Variants in FBXO39 observed in about 807,000 individuals in gnomAD.
FBXO39 encodes F-box protein 39.
Under a neutral mutation model 36.6 loss-of-function variants are expected in FBXO39, and 22 were observed. The ratio of observed to expected loss-of-function variants is 0.60; its 90% confidence interval spans 0.43 to 0.86. The LOEUF (loss-of-function observed/expected upper bound fraction) is 0.86. Among genes scored for constraint, FBXO39 ranks in the 40% least tolerant of loss-of-function variants. The pLI is 0.00. For synonymous variants in FBXO39, 206 were observed against 205.8 expected, an observed-to-expected ratio of 1.00 and a Z score of -0.01; for missense variants, 536 against 543.9, an observed-to-expected ratio of 0.99 and a Z score of 0.14.
chr17:6,782,820 C>G (rs1976525504), intron 2 of FBXO39, among the ~76,000 whole-genome samples: 2 of 152,066 alleles, frequency 1.3e-5, no homozygotes, highest in African/African-American at 4.8e-5. Flanking sequence ...TATATAATAA[C>G]AGCTAGAGAC....
At position 6,779,992 on chromosome 17, in the gene FBXO39, G is replaced by T; in HGVS notation, c.124G>T (p.Val42Phe). 3 of 1,614,202 alleles carry T rather than the reference G, an allele frequency of 1.9e-6. No homozygotes were observed. Among genetic ancestry groups the T allele is most frequent in the Non-Finnish European group, 2.5e-6 (3 of 1,180,034 alleles). The part of the protein sequence containing the change: ...GDRDRSRAAL[V>F]CRKWNQMMYS... The stretch of plus-strand genomic sequence containing the variant: ...CAGGGACAGGTCCAGGGCTGCTCTT[G>T]TCTGCAGAAAGTGGAACCAGATGAT... The change falls in exon 2 of 4, where the codon GTC becomes TTC. Residue 42 changes from valine to phenylalanine, a missense_variant. Physicochemically the swap from Val to Phe is conservative, Grantham distance 50. Transcript: ENST00000321535.
rs572555145 is a variant in FBXO39, at chr17:6,780,432, C to T, written c.564C>T (p.Tyr188=). The T allele has an allele frequency of 1.5e-5, 24 of 1,614,048 alleles. 1 individual carries two copies. The highest frequency in any genetic ancestry group is 1.8e-5 in the Non-Finnish European group (21 of 1,180,052). ...GCCAAATTCTCGACTCCCTCAGCTA[C>T]ATGAGGAATGAGAATGTGATCTCAG... is the stretch of plus-strand genomic sequence containing the variant. The part of the protein sequence containing the change: ...QGCQILDSLS[Y]MRNENVISEL... The change falls in exon 2 of 4, where the codon TAC becomes TAT. Residue 188 remains tyrosine, a synonymous_variant. Transcript: ENST00000321535.
intron 2 of FBXO39, among the ~76,000 whole-genome samples, chr17:6,785,454 A>AT (rs1555552412): frequency 6.6e-6 from 1 of 152,128 alleles, no homozygotes; most frequent in African/African-American, 2.4e-5. Context: ...CTTGAGCAAT[A>AT]CCCACAAGCA....
chr17:6,782,339 AG>A (rs1422503481), intron 2 of FBXO39, among the ~76,000 whole-genome samples: 2 of 152,192 alleles, frequency 1.3e-5, no homozygotes, highest in Non-Finnish European at 1.5e-5. Context: ...CTTCCCTAAA[AG>A]GAACACAGGA....
At position 6,780,050 on chromosome 17, in the gene FBXO39, T is replaced by C; in HGVS notation, c.182T>C (p.Ile61Thr). The change falls in exon 2 of 4, where the codon ATC becomes ACC. Residue 61 changes from isoleucine (I) to threonine (T), a missense_variant. Physicochemically the swap from Ile to Thr is moderately conservative, Grantham distance 89. Transcript: ENST00000321535. Reference protein sequence around the residue: ...YSAELWRYRTITFSGRPSRVH... With the variant: ...YSAELWRYRTTTFSGRPSRVH... Reference sequence around the variant, plus strand: ...GCTGAGCTCTGGCGGTACAGAACCATCACCTTCAGCGGGAGACCTTCCAGG... The same window carrying C: ...GCTGAGCTCTGGCGGTACAGAACCACCACCTTCAGCGGGAGACCTTCCAGG... 6.2e-7 allele frequency: 1 copy of C among 1,614,214 alleles called. No individual in the cohort carries two copies. The highest frequency in any genetic ancestry group is 8.5e-7 in the Non-Finnish European group (1 of 1,180,044).
chr17:6,784,953 G>GTGTATATATATATATA (rs1302291142), intron 2 of FBXO39, among the ~76,000 whole-genome samples: 2 of 113,822 alleles, frequency 1.8e-5, no homozygotes, highest in African/African-American at 7.3e-5. Flanking sequence ...GTGTGTGTGT[G>GTGTATATATATATATA]TATATATATA....
rs776128884 is a variant in FBXO39 at position 6,787,411 on chromosome 17, G to A, written c.1312G>A (p.Val438Ile). ...ATCAGAGCTTAGCTATTTTGTCATC[G>A]TTTACTCTGTGATGTAATGAGCACT... Reference protein sequence around the residue: ...IESELSYFVIVYSVM With the variant: ...IESELSYFVIIYSVM Residue 438 changes from valine (V) to isoleucine (I), a missense_variant, in exon 4 of 4, where the codon GTT becomes ATT. Physicochemically the swap from Val to Ile is conservative, Grantham distance 29 (BLOSUM62 3). Coordinates refer to ENST00000321535, the MANE Select transcript of FBXO39 (RefSeq NM_153230.3). 1.2e-5 allele frequency: 20 copies of A among 1,613,808 alleles called. No homozygotes were observed. The highest frequency in any genetic ancestry group is 1.7e-5 in the Admixed American group (1 of 59,988).
intron 2 of FBXO39, among the ~76,000 whole-genome samples, chr17:6,785,227 C>A (rs2175042): frequency 0.99 from 150,033 of 152,268 alleles, 73,922 homozygotes; most frequent in East Asian, 1. Context: ...GATGCCAAAA[C>A]CATACATTGG....
chr17:6,785,327 A>G (rs1172931917), intron 2 of FBXO39, among the ~76,000 whole-genome samples: 1 of 152,166 alleles, frequency 6.6e-6, no homozygotes, highest in Non-Finnish European at 1.5e-5. Flanking sequence ...ATCTCTTGCC[A>G]TATATGAAAA....
intron 3 of FBXO39, 80 bp downstream of exon 3, chr17:6,787,036 G>A: frequency 6.8e-7 from 1 of 1,464,170 alleles, no homozygotes; most frequent in East Asian, 2.3e-5. Context: ...ACGAAGGGCT[G>A]AATAAGGCAG....
intron 1 of FBXO39, among the ~76,000 whole-genome samples, chr17:6,777,671 T>G (rs1976449552): frequency 6.6e-6 from 1 of 152,142 alleles, no homozygotes; most frequent in Admixed American, 6.5e-5. Context: ...ATTTCTTCAT[T>G]TGTTAAATGT....
intron 2 of FBXO39, 70 bp from the exon 3 acceptor site, chr17:6,786,710 T>C (rs1461814517): frequency 7.4e-7 from 1 of 1,360,392 alleles, no homozygotes; most frequent in African/African-American, 1.5e-5. Flanking sequence ...GTCGTGGAAA[T>C]GTTACAGAAC....
At chr17:6,782,771 A>C (rs1054281588) in intron 2 of FBXO39, among the ~76,000 whole-genome samples, 6 of 152,172 alleles carry the variant, frequency 3.9e-5, no homozygotes, top group Non-Finnish European at 7.4e-5. Flanking sequence ...CAGACATATA[A>C]AGCAAATATT....
intron 1 of FBXO39, among the ~76,000 whole-genome samples, chr17:6,777,209 A>T (rs7207829): frequency 0.15 from 22,534 of 151,714 alleles, 3,739 homozygotes; most frequent in African/African-American, 0.41. Context: ...GTCATCTAGA[A>T]TTTAAGCCCC....
At chr17:6,776,966 G>A (rs1976427574) in intron 1 of FBXO39, among the ~76,000 whole-genome samples, 1 of 151,864 alleles carries the variant, frequency 6.6e-6, no homozygotes. Context: ...AGAATTTGGA[G>A]TCTCCTTACA....
intron 3 of FBXO39, 59 bp downstream of exon 3, chr17:6,787,015 T>A: frequency 1.3e-6 from 2 of 1,546,906 alleles, no homozygotes; most frequent in Non-Finnish European, 1.7e-6. Context: ...GAATGGTGCT[T>A]CTGCTCTGGA....
chr17:6,780,583 G>A lies in FBXO39; in HGVS notation c.715G>A (p.Glu239Lys), dbSNP rs767844011. Reference protein sequence around the residue: ...LNLNYNCISDELLENLCENAS... With the variant: ...LNLNYNCISDKLLENLCENAS... ...CCTCAACTACAACTGTATCTCCGAC[G>A]AGCTGCTTGAGAACTTGTGTGAGAA... The change falls in exon 2 of 4, where the codon GAG becomes AAG. Residue 239 changes from glutamate (E) to lysine (K), a missense_variant. Physicochemically the swap from Glu to Lys is moderately conservative, Grantham distance 56. Transcript: ENST00000321535. The A allele has an allele frequency of 3.2e-5, 52 of 1,613,822 alleles. No individual in the cohort carries two copies. The highest frequency in any genetic ancestry group is 1.6e-4 in the Middle Eastern group (1 of 6,084).
At chr17:6,779,040 A>G (rs1039910180) in intron 1 of FBXO39, among the ~76,000 whole-genome samples, 1 of 152,070 alleles carries the variant, frequency 6.6e-6, no homozygotes, top group African/African-American at 2.4e-5. Context: ...CTGTGACCTC[A>G]GCTGGGGTTT....
Position 6,780,565 on chromosome 17 carries a change from T to C in FBXO39, c.697T>C (p.Tyr233His). 1 of 1,614,016 alleles carries C rather than the reference T, an allele frequency of 6.2e-7. No individual in the cohort carries two copies. Among genetic ancestry groups the C allele is most frequent in the Non-Finnish European group, 8.5e-7 (1 of 1,180,018 alleles). The stretch of plus-strand genomic sequence containing the variant: ...CAATCTTGTGTCCCTGAACCTCAAC[T>C]ACAACTGTATCTCCGACGAGCTGCT... ...FHNLVSLNLNYNCISDELLEN... is the reference protein window; with the variant it reads ...FHNLVSLNLNHNCISDELLEN... The change falls in exon 2 of 4, where the codon TAC becomes CAC. Residue 233 changes from tyrosine (Y) to histidine (H), a missense_variant. By Grantham distance (83) the Tyr-to-His change is moderately conservative (BLOSUM62 2). Transcript: ENST00000321535.
Sources: allele counts gnomAD v4.1 joint callset (sites outside exome capture counted in the v4.1 genomes callset), GRCh38; gene constraint gnomAD v4.1.1; transcripts MANE v1.5; gene names NCBI Gene and HGNC (gene_info 2026-07-23, HGNC 2026-07-21).